The following BRCA1 variants were observed in gnomAD, a reference collection of about 807,000 sequenced individuals.
The protein encoded by BRCA1 is breast cancer type 1 susceptibility protein.
BRCA1 carries 140 observed loss-of-function variants against 173.7 expected under a neutral mutation model. That is an observed-to-expected ratio of 0.81 (90% CI 0.70 to 0.93). The LOEUF (loss-of-function observed/expected upper bound fraction) is 0.93, where lower values mean the gene tolerates loss of function less well. Ranked by LOEUF, BRCA1 falls within the 40% of genes least tolerant of loss-of-function variation. The pLI is 0.00. For missense variants in BRCA1, 1,983 were observed against 2,172.5 expected, an observed-to-expected ratio of 0.91 and a Z score of 1.73; for synonymous variants, 662 against 756.0, an observed-to-expected ratio of 0.88 and a Z score of 2.04.
intron 16 of BRCA1, 25 bp from the exon 17 acceptor site, chr17:43,063,976 G>A (rs2153611056): frequency 6.2e-7 from 1 of 1,609,858 alleles, no homozygotes; most frequent in Non-Finnish European, 8.5e-7. Context: ...ACACTCAAAG[G>A]ATTAGAAGTT....
chr17:43,112,319 C>T (rs1181263887), intron 3 of BRCA1, among the ~76,000 whole-genome samples: 1 of 152,178 alleles, frequency 6.6e-6, no homozygotes, highest in African/African-American at 2.4e-5. Flanking sequence ...AACTCCTGAC[C>T]TCGTGATCCG....
chr17:43,095,944 C>T (rs1597882236), intron 8 of BRCA1, 22 bp from the exon 9 acceptor site: 4 of 1,585,906 alleles, frequency 2.5e-6, no homozygotes, highest in Non-Finnish European at 2.6e-6. Flanking sequence ...AGACAGAGTC[C>T]TAATAAGAAA....
intron 14 of BRCA1, among the ~76,000 whole-genome samples, chr17:43,073,989 T>C (rs1349363362): frequency 6.6e-6 from 1 of 152,146 alleles, no homozygotes; most frequent in African/African-American, 2.4e-5. Flanking sequence ...ACTCCTGACC[T>C]CAGCTGATCC....
At chr17:43,128,617 T>C (rs112034027), upstream of BRCA1, among the ~76,000 whole-genome samples, 1,441 of 152,170 alleles carry the variant, frequency 9.5e-3, 18 homozygotes, top group African/African-American at 0.032. Context: ...TGACACTATC[T>C]TGGGAACATG....
At chr17:43,138,188 AG>A (rs1383338599) in intron 1 of BRCA1, 4 of 181,600 alleles carry the variant, frequency 2.2e-5, no homozygotes, top group African/African-American at 2.4e-5. Context: ...CCATCTCAAA[AG>A]GAAAAAAAAG....
intron 1 of BRCA1, among the ~76,000 whole-genome samples, chr17:43,165,476 A>G (rs995714999): frequency 8.5e-5 from 7 of 82,648 alleles, no homozygotes; most frequent in Middle Eastern, 5.9e-3. Flanking sequence ...TACACCTTGC[A>G]TATAAACTGT....
intron 17 of BRCA1, among the ~76,000 whole-genome samples, chr17:43,063,665 A>G (rs780412580): frequency 6.6e-6 from 1 of 152,210 alleles, no homozygotes; most frequent in Non-Finnish European, 1.5e-5. Context: ...ATTAGGTCCT[A>G]TTAGTTATAA....
chr17:43,161,859 CAGTG>C (rs888007989), intron 1 of BRCA1: 2 of 152,174 alleles, frequency 1.3e-5, no homozygotes, highest in Admixed American at 6.5e-5. Flanking sequence ...CATGAAGTGA[CAGTG>C]AGAGACTGGG....
In BRCA1 at chr17:43,049,715, A is replaced by T. The variant is rs182657324; in HGVS notation, c.5333-521T>A. On this transcript the variant is annotated intron_variant, in intron 20 of 22. Transcript: ENST00000357654. ...TAGAGACTCAGCAGGGAAAGGCTAC[A>T]TGCTGAGCTGGAATCCATATACTCA... 5.9e-5 allele frequency among the ~76,000 whole-genome samples: 9 copies of T among 152,320 alleles called. No homozygotes were observed. The highest frequency in any genetic ancestry group is 2.2e-4 in the African/African-American group (9 of 41,578).
chr17:43,050,973 G>A (rs1349900439), intron 20 of BRCA1, 90 bp downstream of exon 20: 1 of 1,292,512 alleles, frequency 7.7e-7, no homozygotes, highest in African/African-American at 1.5e-5. Flanking sequence ...AGCAATCTGA[G>A]GAACCCCCAT....
intron 1 of BRCA1, chr17:43,145,321 T>TTTTC (rs377548586): frequency 0.035 from 15,862 of 450,034 alleles, 302 homozygotes; most frequent in South Asian, 0.082. Flanking sequence ...GAGGAATTTT[T>TTTTC]TTTCTTTCTT....
chr17:43,119,677 G>C lies in BRCA1; in HGVS notation c.81-3898C>G, dbSNP rs998352391. ...TGACTTTAAAAAGAAAAACAACCTTGACAAAGAAAACTCTGATTGGTTACT... is the reference window on the plus strand; with the variant it reads ...TGACTTTAAAAAGAAAAACAACCTTCACAAAGAAAACTCTGATTGGTTACT... On this transcript the variant is annotated intron_variant, in intron 2 of 22. Coordinates refer to ENST00000357654, the MANE Select transcript of BRCA1 (RefSeq NM_007294.4). 5.4e-4 allele frequency among the ~76,000 whole-genome samples: 82 copies of C among 152,176 alleles called. No homozygotes were observed. Among genetic ancestry groups the C allele is most frequent in the African/African-American group, 2.0e-3 (82 of 41,518 alleles).
At chr17:43,054,787 G>A (rs1167905681) in intron 19 of BRCA1, among the ~76,000 whole-genome samples, 3 of 150,238 alleles carry the variant, frequency 2.0e-5, no homozygotes, top group African/African-American at 7.3e-5. Flanking sequence ...CTTGTCCCCA[G>A]GCTAGAGTGC....
chr17:43,156,586 T>C (rs1043329325), intron 1 of BRCA1, among the ~76,000 whole-genome samples: 45 of 152,128 alleles, frequency 3.0e-4, no homozygotes, highest in Admixed American at 1.2e-3. Context: ...GGACCAAATG[T>C]GACTTTAAAA....
rs765157365 is a variant in BRCA1 at position 43,093,027 on chromosome 17, T to C, written c.2504A>G (p.His835Arg). The change falls in exon 10 of 23, where the codon CAT becomes CGT. Residue 835 changes from histidine to arginine, a missense_variant. His to Arg is a conservative substitution (Grantham distance 29). Transcript: ENST00000357654. Reference sequence around the variant, plus strand: ...TGTTTCCCGACTGTGGTTAACTTCATGTCCCAATGGATACTTAAAGCCTTC... The same window carrying C: ...TGTTTCCCGACTGTGGTTAACTTCACGTCCCAATGGATACTTAAAGCCTTC... ...DTEGFKYPLGHEVNHSRETSI... is the reference protein window; with the variant it reads ...DTEGFKYPLGREVNHSRETSI... 2.5e-6 allele frequency: 4 copies of C among 1,614,020 alleles called. No homozygotes were observed. The highest frequency in any genetic ancestry group is 1.1e-5 in the South Asian group (1 of 91,082).
At position 43,091,463 on chromosome 17, in the gene BRCA1, T is replaced by C; in HGVS notation, c.4068A>G (p.Gln1356=). 3 of 1,613,608 alleles carry C rather than the reference T, an allele frequency of 1.9e-6. No individual in the cohort carries two copies. The highest frequency in any genetic ancestry group is 2.5e-6 in the Non-Finnish European group (3 of 1,179,794). Residue 1356 remains glutamine, a synonymous_variant, in exon 10 of 23, where the codon CAA becomes CAG. Coordinates refer to ENST00000357654, the MANE Select transcript of BRCA1 (RefSeq NM_007294.4). ...ERGTGLEENN[Q]EEQSMDSNLG... is the part of the protein sequence containing the mutation. ...AGTTTGAATCCATGCTTTGCTCTTC[T>C]TGATTATTTTCTTCCAAGCCCGTTC... is the stretch of plus-strand genomic sequence containing the variant.
chr17:43,053,666 CA>C (rs756557335), intron 19 of BRCA1, among the ~76,000 whole-genome samples: 31 of 137,304 alleles, frequency 2.3e-4, no homozygotes, highest in Non-Finnish European at 1.6e-4. Context: ...GACTCTGTCT[CA>C]AAAAAAAAAA....
intron 1 of BRCA1, among the ~76,000 whole-genome samples, chr17:43,150,848 A>G (rs2056156348): frequency 6.6e-6 from 1 of 152,194 alleles, no homozygotes. Context: ...TTTGCCAAAG[A>G]GTCTCTCAGT....
chr17:43,125,169 C>G (rs1036527805), intron 1 of BRCA1, 102 bp downstream of exon 1: 8 of 455,412 alleles, frequency 1.8e-5, no homozygotes, highest in Admixed American at 7.1e-5. Context: ...CCCTACCCCC[C>G]GTCAAAGAAT....
Sources: allele counts gnomAD v4.1 joint callset (sites outside exome capture counted in the v4.1 genomes callset), GRCh38; gene constraint gnomAD v4.1.1; transcripts MANE v1.5; gene names NCBI Gene and HGNC (gene_info 2026-07-23, HGNC 2026-07-21).